ATP8B4: variants seen among roughly 807,000 people sequenced by gnomAD.
ATP8B4 encodes the protein probable phospholipid-transporting ATPase IM.
In ATP8B4, 133 loss-of-function variants were observed where a neutral mutation model predicts 145.6. The ratio of observed to expected loss-of-function variants is 0.91; its 90% CI spans 0.79 to 1.05. The LOEUF is 1.05. ATP8B4 is among the 50% of genes least tolerant of loss of function. ATP8B4 has a pLI of 0.00. For synonymous variants in ATP8B4, 507 were observed against 492.9 expected (o/e 1.03, Z -0.38); for missense variants, 1,458 against 1,425.2 (o/e 1.02, Z -0.37).
At chr15:50,129,195 G>C (rs917304549) in intron 1 of ATP8B4, among the ~76,000 whole-genome samples, 2 of 151,718 alleles carry the variant, frequency 1.3e-5, no homozygotes, top group Admixed American at 1.3e-4. Context: ...TTTTTTTCTT[G>C]TTATCTTGAG....
chr15:49,989,695 G>T (rs1319821516), intron 9 of ATP8B4, among the ~76,000 whole-genome samples: 1 of 152,014 alleles, frequency 6.6e-6, no homozygotes, highest in African/African-American at 2.4e-5. Flanking sequence ...TGTGGTCTCG[G>T]TGATGTAAGT....
chr15:50,037,440 T>C (rs2050923042), intron 6 of ATP8B4, among the ~76,000 whole-genome samples: 1 of 152,152 alleles, frequency 6.6e-6, no homozygotes. Context: ...TACAAGACAC[T>C]GGGCCAAGCA....
chr15:49,982,591 TAA>T, intron 10 of ATP8B4: 1 of 152,056 alleles, frequency 6.6e-6, no homozygotes, highest in African/African-American at 2.4e-5. Context: ...CATACACACA[TAA>T]AGTTTGTGGT....
In ATP8B4 at chr15:50,130,527, G is replaced by A. The variant is rs961793805; in HGVS notation, c.-42-23519C>T. Among the ~76,000 whole-genome samples the A allele has an allele frequency of 1.3e-5, 2 of 151,908 alleles. 1 individual carries two copies. The highest frequency in any genetic ancestry group is 6.3e-3 in the Middle Eastern group (2 of 316). ...TGCAGTGGCTTATGCCTGTAATCCC[G>A]GCAGTTTGGGAGGCTGAGGCGAGCG... On this transcript the variant is annotated intron_variant, in intron 1 of 3. Transcript: ENST00000558829.
intron 2 of ATP8B4, among the ~76,000 whole-genome samples, chr15:50,103,782 T>C (rs949652337): frequency 3.9e-5 from 6 of 152,130 alleles, no homozygotes; most frequent in African/African-American, 1.4e-4. Flanking sequence ...AAAGCAAGAC[T>C]AAGCAAAAAG....
At chr15:50,143,082 G>T (rs1366465858) in intron 1 of ATP8B4, among the ~76,000 whole-genome samples, 1 of 152,160 alleles carries the variant, frequency 6.6e-6, no homozygotes, top group African/African-American at 2.4e-5. Context: ...TCCCTTAAAG[G>T]CAAGAACTTT....
chr15:50,163,389 A>T (rs2044549340), intron 1 of ATP8B4, among the ~76,000 whole-genome samples: 1 of 152,230 alleles, frequency 6.6e-6, no homozygotes, highest in South Asian at 2.1e-4. Context: ...ACTCATACAG[A>T]TACTGCCTTG....
At chr15:49,999,278 G>A (rs925292714) in intron 8 of ATP8B4, among the ~76,000 whole-genome samples, 8 of 149,536 alleles carry the variant, frequency 5.3e-5, no homozygotes, top group East Asian at 2.0e-4. Context: ...GTAAACTATC[G>A]CAAGAACAAA....
At chr15:49,944,755 G>T (rs1481169443) in intron 14 of ATP8B4, among the ~76,000 whole-genome samples, 1 of 152,132 alleles carries the variant, frequency 6.6e-6, no homozygotes, top group Non-Finnish European at 1.5e-5. Flanking sequence ...AACAACAGCA[G>T]AATGCACATT....
intron 3 of ATP8B4, among the ~76,000 whole-genome samples, chr15:50,054,808 AAC>A (rs1404890000): frequency 2.4e-3 from 294 of 123,266 alleles, no homozygotes; most frequent in East Asian, 6.1e-3. Context: ...AAAAAAAAAA[AAC>A]AAAAAAAAAA....
chr15:50,150,724 G>A (rs1186760794), intron 1 of ATP8B4, among the ~76,000 whole-genome samples: 1 of 152,156 alleles, frequency 6.6e-6, no homozygotes, highest in African/African-American at 2.4e-5. Flanking sequence ...GTTCAGAGTT[G>A]TACCTCTGCA....
At chr15:49,881,133 A>C (rs572517556) in intron 23 of ATP8B4, among the ~76,000 whole-genome samples, 11 of 149,454 alleles carry the variant, frequency 7.4e-5, no homozygotes, top group African/African-American at 2.8e-4. Context: ...ACAAACAAAC[A>C]AAAAAAAGCC....
intron 3 of ATP8B4, among the ~76,000 whole-genome samples, chr15:50,047,981 T>A (rs1875012906): frequency 6.6e-6 from 1 of 152,224 alleles, no homozygotes; most frequent in South Asian, 2.1e-4. Flanking sequence ...GTCCTTATTA[T>A]GAGGAACCCA....
At chr15:50,026,937 G>T (rs1055285456) in intron 6 of ATP8B4, among the ~76,000 whole-genome samples, 3 of 152,118 alleles carry the variant, frequency 2.0e-5, no homozygotes, top group African/African-American at 7.2e-5. Flanking sequence ...TTTTCATCCA[G>T]CATATTCTCA....
At position 50,044,646 on chromosome 15, in the gene ATP8B4, G is replaced by A; in HGVS notation, c.248C>T (p.Pro83Leu). Residue 83 changes from proline (P) to leucine (L), a missense_variant, in exon 5 of 28, where the codon CCT becomes CTT. By Grantham distance (98) the Pro-to-Leu change is moderately conservative. Coordinates refer to ENST00000284509, the MANE Select transcript of ATP8B4 (RefSeq NM_024837.4). ...SSLTWFTTIVPLVLVITMTAV... is the reference protein window; with the variant it reads ...SSLTWFTTIVLLVLVITMTAV... Reference sequence around the variant, plus strand: ...TGTCATAGTTATCACCAGGACCAAAGGCACAATGGTGGTAAACCAGGTCAA... The same window carrying A: ...TGTCATAGTTATCACCAGGACCAAAAGCACAATGGTGGTAAACCAGGTCAA... 2.5e-6 allele frequency: 4 copies of A among 1,613,230 alleles called. No individual in the cohort carries two copies. The highest frequency in any genetic ancestry group is 3.4e-6 in the Non-Finnish European group (4 of 1,179,562).
At chr15:49,863,718 C>T (rs1001751727) in intron 26 of ATP8B4, among the ~76,000 whole-genome samples, 1 of 152,070 alleles carries the variant, frequency 6.6e-6, no homozygotes, top group African/African-American at 2.4e-5. Flanking sequence ...AATTAAATGT[C>T]TCTTTGAGCT....
intron 1 of ATP8B4, among the ~76,000 whole-genome samples, chr15:50,172,674 C>T (rs1359859081): frequency 1.3e-5 from 2 of 151,986 alleles, no homozygotes; most frequent in African/African-American, 2.4e-5. Flanking sequence ...CTCTTCCCGG[C>T]CGTCATCCCA....
chr15:49,862,097 A>G, intron 27 of ATP8B4, 148 bp downstream of exon 27: 1 of 995,974 alleles, frequency 1.0e-6, no homozygotes, highest in Non-Finnish European at 1.4e-6. Flanking sequence ...GGGAAGTCCC[A>G]TCTATTCTGA....
chr15:50,060,173 G>A (rs1323635215), intron 3 of ATP8B4, among the ~76,000 whole-genome samples: 2 of 152,152 alleles, frequency 1.3e-5, no homozygotes, highest in African/African-American at 4.8e-5. Context: ...CTGCCACTAG[G>A]AAGGAAGGAG....
Sources: gnomAD v4.1 joint callset for allele counts (sites outside exome capture counted in the v4.1 genomes callset) on GRCh38, gnomAD v4.1.1 for gene constraint, MANE v1.5 for transcripts, NCBI Gene and HGNC (gene_info 2026-07-23, HGNC 2026-07-21) for gene names.